Variants in FAM135B observed in about 807,000 individuals in gnomAD.
FAM135B encodes the protein protein FAM135B.
A neutral mutation model predicts 127.7 loss-of-function variants in FAM135B; 43 were observed. That is an observed-to-expected ratio of 0.34 (90% CI 0.26 to 0.43). The LOEUF is 0.43. Among genes scored for constraint, FAM135B ranks in the 20% least tolerant of loss-of-function variants. The probability of loss-of-function intolerance (pLI) is 1.00; values close to 1 mark genes in which losing one functional copy is unlikely to be tolerated. For missense variants in FAM135B, 1,558 were observed against 1,725.6 expected (o/e 0.90, Z 1.72); for synonymous variants, 670 against 665.1 (o/e 1.01, Z -0.11).
At chr8:138,342,712 T>G (rs534463664) in intron 2 of FAM135B, among the ~76,000 whole-genome samples, 40 of 152,300 alleles carry the variant, frequency 2.6e-4, no homozygotes, top group Admixed American at 2.2e-3. Context: ...CCCTCCAATG[T>G]CCAAGGCCTT....
intron 1 of FAM135B, among the ~76,000 whole-genome samples, chr8:138,392,772 C>G (rs1015759280): frequency 6.6e-5 from 10 of 152,074 alleles, no homozygotes; most frequent in African/African-American, 2.2e-4. Context: ...CTAGCAGGAG[C>G]TAGGGACCAC....
intron 2 of FAM135B, among the ~76,000 whole-genome samples, chr8:138,348,127 C>CTTTTTTTTTTTTTTTTTTTTT (rs58289442): frequency 1.9e-5 from 1 of 52,840 alleles, no homozygotes; most frequent in Non-Finnish European, 3.1e-5. Context: ...TTTTCCTCCT[C>CTTTTTTTTTTTTTTTTTTTTT]TTTTTTTTTT....
intron 11 of FAM135B, among the ~76,000 whole-genome samples, chr8:138,173,719 A>G (rs1814136587): frequency 6.6e-6 from 1 of 152,240 alleles, no homozygotes; most frequent in South Asian, 2.1e-4. Flanking sequence ...CCTTTTGAAA[A>G]GTTAAAACTT....
At position 138,416,576 on chromosome 8, in the gene FAM135B, A is replaced by C. The variant is rs190019816; in HGVS notation, c.-19-48574T>G. The stretch of plus-strand genomic sequence containing the variant: ...AGATTTATGTCTTGCTCATTCACTC[A>C]TTCAAAAATTAGTTATTATACACCA... On this transcript the variant is annotated intron_variant, in intron 1 of 19. Coordinates refer to ENST00000395297, the MANE Select transcript of FAM135B (RefSeq NM_015912.4). Among the ~76,000 whole-genome samples the C allele has an allele frequency of 1.6e-3, 250 of 152,294 alleles. 1 individual carries two copies. Among genetic ancestry groups the C allele is most frequent in the African/African-American group, 5.8e-3 (242 of 41,558 alleles).
rs911214674 is a variant in FAM135B at position 138,348,184 on chromosome 8, G to A, written c.77+19723C>T. Among the ~76,000 whole-genome samples, 12 of 127,154 alleles carry A rather than the reference G, an allele frequency of 9.4e-5. No individual in the cohort carries two copies. In the East Asian group the frequency reaches 2.7e-3, roughly 29 times the overall value. 83.4% of individuals were successfully genotyped at this position (127,154 alleles called of 152,430 possible). On this transcript the variant is annotated intron_variant, in intron 2 of 19. Transcript: ENST00000395297. The stretch of plus-strand genomic sequence containing the variant: ...AATTTCACTCTTGTTGCCCAGGCTG[G>A]AGTGCAATGGCTCCATCTCGGCTCA...
At chr8:138,159,939 G>T (rs1439698174) in intron 12 of FAM135B, among the ~76,000 whole-genome samples, 1 of 152,162 alleles carries the variant, frequency 6.6e-6, no homozygotes, top group Non-Finnish European at 1.5e-5. Context: ...TCAGGATAGA[G>T]GTTGGCCATG....
intron 3 of FAM135B, among the ~76,000 whole-genome samples, chr8:138,272,026 T>G (rs1823423384): frequency 6.6e-6 from 1 of 152,118 alleles, no homozygotes; most frequent in Non-Finnish European, 1.5e-5. Context: ...TTTTACTCCT[T>G]AATTTGTTTA....
At chr8:138,314,724 T>TAAATAAATAAATAAATAAATAAATAAA (rs56300482) in intron 2 of FAM135B, among the ~76,000 whole-genome samples, 3 of 149,414 alleles carry the variant, frequency 2.0e-5, no homozygotes, top group African/African-American at 4.9e-5. Flanking sequence ...AATAAATAAA[T>TAAATAAATAAATAAATAAATAAATAAA]TAGCTGGGTG....
chr8:138,319,525 T>C (rs1012702571), intron 2 of FAM135B, among the ~76,000 whole-genome samples: 2 of 152,208 alleles, frequency 1.3e-5, no homozygotes, highest in African/African-American at 4.8e-5. Flanking sequence ...CAAAATAAGA[T>C]GGGCCATTGG....
rs534683727 is a variant in FAM135B at position 138,485,414 on chromosome 8, A to G, written c.-20+11257T>C. On this transcript the variant is annotated intron_variant, in intron 1 of 19. Transcript: ENST00000395297. ...CCTCAGTTTTCAGAGTGGAATGACA[A>G]TCCGCCATCCTCTTGGTTGATATTA... Among the ~76,000 whole-genome samples the G allele has an allele frequency of 3.5e-4, 53 of 152,314 alleles. 1 individual carries two copies. The South Asian group carries it at 5.6e-3, about 16-fold the overall frequency.
intron 4 of FAM135B, among the ~76,000 whole-genome samples, chr8:138,258,744 A>G (rs1186169914): frequency 2.0e-5 from 3 of 151,800 alleles, no homozygotes; most frequent in African/African-American, 7.3e-5. Flanking sequence ...CCTTTTCTAA[A>G]CATTTATTTC....
intron 8 of FAM135B, among the ~76,000 whole-genome samples, chr8:138,195,736 A>T (rs1335938006): frequency 2.6e-5 from 4 of 152,206 alleles, no homozygotes; most frequent in African/African-American, 9.6e-5. Context: ...CAGATAAAAT[A>T]TCAGAAGCCC....
intron 1 of FAM135B, among the ~76,000 whole-genome samples, chr8:138,472,981 C>G (rs1166370907): frequency 6.6e-6 from 1 of 152,056 alleles, no homozygotes; most frequent in African/African-American, 2.4e-5. Context: ...TGATAGGGCA[C>G]GTGGATATTG....
At chr8:138,338,368 A>T (rs1474652640) in intron 2 of FAM135B, among the ~76,000 whole-genome samples, 3 of 152,108 alleles carry the variant, frequency 2.0e-5, no homozygotes, top group Admixed American at 2.0e-4. Flanking sequence ...CATCTGACAA[A>T]GGGCTAATAC....
chr8:138,422,704 A>C (rs1280281651), intron 1 of FAM135B, among the ~76,000 whole-genome samples: 1 of 152,126 alleles, frequency 6.6e-6, no homozygotes, highest in African/African-American at 2.4e-5. Context: ...TTCTGAAAAA[A>C]ACAAAAACAA....
intron 1 of FAM135B, among the ~76,000 whole-genome samples, chr8:138,416,212 A>G (rs1252237531): frequency 2.0e-5 from 3 of 152,238 alleles, no homozygotes; most frequent in African/African-American, 7.2e-5. Context: ...AGAATAGTAA[A>G]GCAGAGCAAT....
chr8:138,302,132 GTGTTA>G (rs1563875106), intron 3 of FAM135B, among the ~76,000 whole-genome samples: 17 of 28,784 alleles, frequency 5.9e-4, no homozygotes, highest in African/African-American at 1.4e-3. Flanking sequence ...CATGAAGGAA[GTGTTA>G]TTATTATTAT....
At chr8:138,343,990 A>T (rs892962505) in intron 2 of FAM135B, among the ~76,000 whole-genome samples, 3 of 152,018 alleles carry the variant, frequency 2.0e-5, no homozygotes, top group African/African-American at 7.2e-5. Flanking sequence ...CCATTTAGTT[A>T]TACTCCCTCC....
chr8:138,318,166 A>G (rs1827217472), intron 2 of FAM135B, among the ~76,000 whole-genome samples: 1 of 152,228 alleles, frequency 6.6e-6, no homozygotes, highest in Non-Finnish European at 1.5e-5. Flanking sequence ...TGCAGACTCA[A>G]TCCTCATGGG....
Sources: allele counts gnomAD v4.1 joint callset (sites outside exome capture counted in the v4.1 genomes callset), GRCh38; gene constraint gnomAD v4.1.1; transcripts MANE v1.5; gene names NCBI Gene and HGNC (gene_info 2026-07-23, HGNC 2026-07-21).